MAGI3: variants seen among roughly 807,000 people sequenced by gnomAD.
The protein encoded by MAGI3 is membrane-associated guanylate kinase, WW and PDZ domain-containing protein 3.
In MAGI3, 43 loss-of-function variants were observed where a neutral mutation model predicts 121.8. That is an observed-to-expected ratio of 0.35 (90% CI 0.28 to 0.46). MAGI3 has a LOEUF of 0.46. Ranked by LOEUF, MAGI3 falls within the 20% of genes least tolerant of loss-of-function variation. MAGI3 has a pLI of 1.00. For synonymous variants in MAGI3, 553 were observed against 639.3 expected, an observed-to-expected ratio of 0.86 and a Z score of 2.04; for missense variants, 1,547 against 1,797.3, an observed-to-expected ratio of 0.86 and a Z score of 2.52.
chr1:113,568,877 G>T (rs1219684695), intron 2 of MAGI3, among the ~76,000 whole-genome samples: 5 of 151,808 alleles, frequency 3.3e-5, no homozygotes, highest in African/African-American at 4.8e-5. Flanking sequence ...CTTTAGGAAA[G>T]GATTTTTTTC....
chr1:113,579,540 G>C (rs1009545449), intron 2 of MAGI3, among the ~76,000 whole-genome samples: 1 of 152,158 alleles, frequency 6.6e-6, no homozygotes, highest in African/African-American at 2.4e-5. Flanking sequence ...GGAAGCCATT[G>C]ATAGGTTTAG....
At chr1:113,530,365 G>A (rs969636191) in intron 1 of MAGI3, among the ~76,000 whole-genome samples, 2 of 150,690 alleles carry the variant, frequency 1.3e-5, no homozygotes, top group East Asian at 1.9e-4. Flanking sequence ...ACAGAAAACC[G>A]AATGTTGTAT....
chr1:113,585,663 A>G lies in MAGI3; in HGVS notation c.763+67A>G, dbSNP rs1648323306. The G allele has an allele frequency of 1.8e-5, 26 of 1,410,488 alleles. No individual in the cohort carries two copies. The South Asian group carries it at 3.5e-4, about 19-fold the overall frequency. 87.4% of individuals were successfully genotyped at this position (1,410,488 alleles called of 1,614,324 possible). A position where few individuals can be genotyped will look rare whatever the true frequency, so the allele number is the denominator to read the frequency against. ...TGATTTTACTATTACGTTGAATTAA[A>G]AGCACTAAAATTTTTTACAAAGCAT... On this transcript the variant is annotated intron_variant, in intron 4 of 20. Transcript: ENST00000307546.
At chr1:113,567,621 CA>C (rs1429850486) in intron 2 of MAGI3, among the ~76,000 whole-genome samples, 2 of 152,048 alleles carry the variant, frequency 1.3e-5, no homozygotes, top group Non-Finnish European at 2.9e-5. Flanking sequence ...ATATAAGACT[CA>C]GTCAATATAT....
At chr1:113,523,002 G>A (rs1658276659) in intron 1 of MAGI3, among the ~76,000 whole-genome samples, 1 of 152,106 alleles carries the variant, frequency 6.6e-6, no homozygotes, top group Admixed American at 6.5e-5. Context: ...CATGTGTTGT[G>A]GGAGGAAATT....
rs1458106582 is a variant in MAGI3, at chr1:113,658,790, AT to A, written c.2630-288del. ...AGATTAGTAGCTCTTAAACAGAACA[AT>A]TACGATGAGAATGTAAAAATTAGAA... is the stretch of plus-strand genomic sequence containing the variant. On this transcript the variant is annotated intron_variant, in intron 15 of 20. Transcript: ENST00000307546. The surrounding 1 kb of genome is among the most constrained non-coding windows in gnomAD (Gnocchi z 4.0). 6.6e-6 allele frequency among the ~76,000 whole-genome samples: 1 copy of A among 152,250 alleles called. No individual in the cohort carries two copies. Among genetic ancestry groups the A allele is most frequent in the Non-Finnish European group, 1.5e-5 (1 of 68,056 alleles).
At chr1:113,441,143 G>A (rs1462189750) in intron 1 of MAGI3, among the ~76,000 whole-genome samples, 1 of 152,070 alleles carries the variant, frequency 6.6e-6, no homozygotes, top group Non-Finnish European at 1.5e-5. Context: ...TCAACTTCCG[G>A]AAGATGATAG....
chr1:113,489,358 T>G (rs1463659112), intron 1 of MAGI3, among the ~76,000 whole-genome samples: 4 of 151,996 alleles, frequency 2.6e-5, no homozygotes, highest in African/African-American at 9.7e-5. Flanking sequence ...CTTATGGTCA[T>G]CAAATAGAAT....
intron 1 of MAGI3, among the ~76,000 whole-genome samples, chr1:113,394,954 A>C (rs1478051094): frequency 6.6e-6 from 1 of 152,124 alleles, no homozygotes; most frequent in African/African-American, 2.4e-5. Flanking sequence ...AGTTTTGTTA[A>C]AATGGGCTAA....
chr1:113,525,205 G>C (rs990538428), intron 1 of MAGI3, among the ~76,000 whole-genome samples: 21 of 152,164 alleles, frequency 1.4e-4, no homozygotes, highest in African/African-American at 5.1e-4. Flanking sequence ...CACAGGCTGT[G>C]TTCACAATTT....
intron 1 of MAGI3, among the ~76,000 whole-genome samples, chr1:113,484,413 C>T (rs1257309335): frequency 6.6e-6 from 1 of 152,048 alleles, no homozygotes; most frequent in Non-Finnish European, 1.5e-5. Flanking sequence ...TCACCCTTTA[C>T]CTCCAGTCCC....
chr1:113,448,895 G>C (rs972460710), intron 1 of MAGI3, among the ~76,000 whole-genome samples: 2 of 152,130 alleles, frequency 1.3e-5, no homozygotes, highest in African/African-American at 4.8e-5. Context: ...GAGGTGGGCA[G>C]ATCACCTGAG....
chr1:113,435,156 A>G (rs565161912), intron 1 of MAGI3, among the ~76,000 whole-genome samples: 1 of 152,262 alleles, frequency 6.6e-6, no homozygotes, highest in South Asian at 2.1e-4. Context: ...TCAGAGTTGA[A>G]ATTCTAAATT....
chr1:113,530,218 A>T, intron 1 of MAGI3, among the ~76,000 whole-genome samples: 1 of 152,058 alleles, frequency 6.6e-6, no homozygotes, highest in East Asian at 1.9e-4. Context: ...TTTAAATAAC[A>T]GTTTTAAAGC....
At chr1:113,503,219 TAAAAAAAA>T (rs869272201) in intron 1 of MAGI3, among the ~76,000 whole-genome samples, 2 of 8,976 alleles carry the variant, frequency 2.2e-4, no homozygotes, top group African/African-American at 1.8e-3. Flanking sequence ...AGAGTATAAT[TAAAAAAAA>T]AAAAAAAAAA....
At position 113,436,857 on chromosome 1, in the gene MAGI3, A is replaced by T. The variant is rs950380529; in HGVS notation, c.316+45508A>T. On this transcript the variant is annotated intron_variant, in intron 1 of 20. Coordinates refer to ENST00000307546, the MANE Select transcript of MAGI3 (RefSeq NM_001142782.2). Reference sequence around the variant, plus strand: ...GAGACGGAGTCTCACTCTGTTGCCCAGGCTGGAGTGCAGTGGCACTGATCT... The same window carrying T: ...GAGACGGAGTCTCACTCTGTTGCCCTGGCTGGAGTGCAGTGGCACTGATCT... Among the ~76,000 whole-genome samples the T allele has an allele frequency of 2.3e-5, 3 of 129,778 alleles. No individual in the cohort carries two copies. The Admixed American group carries it at 2.8e-4, about 12-fold the overall frequency. 85.1% of individuals were successfully genotyped at this position (129,778 alleles called of 152,430 possible).
chr1:113,391,325 A>G lies in MAGI3; in HGVS notation c.292A>G (p.Ile98Val). 3 of 1,597,896 alleles carry G rather than the reference A, an allele frequency of 1.9e-6. No individual in the cohort carries two copies. Among genetic ancestry groups the G allele is most frequent in the Non-Finnish European group, 1.7e-6 (2 of 1,173,036 alleles). ...TGTCATCCGCCACTTCCGCGAGCCC[A>G]TCCGTCTCAAGACTGTGAAACCAGG... ...LAVIRHFREP[I>V]RLKTVKPGKV... is the part of the protein sequence containing the mutation. Residue 98 changes from isoleucine (I) to valine (V), a missense_variant, in exon 1 of 21, where the codon ATC becomes GTC. Transcript: ENST00000307546. The surrounding 1 kb of genome is among the most constrained non-coding windows in gnomAD (Gnocchi z 4.4).
rs1651428010 is a variant in MAGI3, at chr1:113,401,938, AAGTGTTT to A, written c.316+10591_316+10597del. ...GGATTGTTGGAACCTCTTATTCTTT[AAGTGTTT>A]ACGCTGTTATGTTTTCTCTCTGGGC... On this transcript the variant is annotated intron_variant, in intron 1 of 20. Transcript: ENST00000307546. Among the ~76,000 whole-genome samples, 5 of 152,282 alleles carry A rather than the reference AAGTGTTT, an allele frequency of 3.3e-5. No homozygotes were observed. The South Asian group carries it at 1.0e-3, about 32-fold the overall frequency.
chr1:113,431,487 A>G (rs1416168819), intron 1 of MAGI3, among the ~76,000 whole-genome samples: 1 of 152,224 alleles, frequency 6.6e-6, no homozygotes, highest in Non-Finnish European at 1.5e-5. Flanking sequence ...ACTATTGTCT[A>G]TGTAGAAAAG....
Sources: allele counts gnomAD v4.1 joint callset (sites outside exome capture counted in the v4.1 genomes callset), GRCh38; gene constraint gnomAD v4.1.1; non-coding constraint Gnocchi (gnomAD v3.1); transcripts MANE v1.5; gene names NCBI Gene and HGNC (gene_info 2026-07-23, HGNC 2026-07-21).